The following SGCZ variants were observed in gnomAD, a reference collection of about 807,000 sequenced individuals.
SGCZ encodes the protein sarcoglycan zeta.
In SGCZ, 40 loss-of-function variants were observed where a neutral mutation model predicts 41.3. The ratio of observed to expected loss-of-function variants is 0.97; its 90% CI spans 0.75 to 1.26. SGCZ has a LOEUF of 1.26. Ranked by LOEUF, SGCZ falls within the 50% of genes most tolerant of loss-of-function variation. The pLI is 0.00. For synonymous variants in SGCZ, 206 were observed against 137.5 expected, an observed-to-expected ratio of 1.50 and a Z score of -3.49; for missense variants, 552 against 369.8, an observed-to-expected ratio of 1.49 and a Z score of -4.04.
chr8:15,215,972 T>G (rs1350810927), intron 1 of SGCZ, among the ~76,000 whole-genome samples: 1 of 152,170 alleles, frequency 6.6e-6, no homozygotes, highest in African/African-American at 2.4e-5. Context: ...CCTTGTTGGT[T>G]GCCTGACACT....
intron 7 of SGCZ, among the ~76,000 whole-genome samples, chr8:14,095,476 A>C (rs1170763399): frequency 6.6e-6 from 1 of 151,036 alleles, no homozygotes; most frequent in African/African-American, 2.4e-5. Flanking sequence ...CTGTTTTGGT[A>C]CCAGTACCAT....
At chr8:15,020,735 T>A (rs558987410) in intron 1 of SGCZ, among the ~76,000 whole-genome samples, 1 of 152,318 alleles carries the variant, frequency 6.6e-6, no homozygotes, top group African/African-American at 2.4e-5. Context: ...CCTGTCAAGT[T>A]CTTAGCGAAT....
intron 1 of SGCZ, among the ~76,000 whole-genome samples, chr8:15,127,537 C>G (rs1359916325): frequency 1.3e-5 from 2 of 152,132 alleles, no homozygotes; most frequent in Non-Finnish European, 2.9e-5. Context: ...TCTTCACACA[C>G]ATAAAATTTT....
At chr8:14,595,979 G>A (rs1805400602) in intron 1 of SGCZ, among the ~76,000 whole-genome samples, 1 of 152,138 alleles carries the variant, frequency 6.6e-6, no homozygotes, top group Admixed American at 6.5e-5. Flanking sequence ...TGTTTAAGAA[G>A]ACACTACAGA....
chr8:14,531,241 A>G (rs752713002), intron 2 of SGCZ, among the ~76,000 whole-genome samples: 1 of 149,454 alleles, frequency 6.7e-6, no homozygotes, highest in Non-Finnish European at 1.5e-5. Flanking sequence ...AAGCCCATAA[A>G]AACCCCAGAT....
chr8:14,525,476 T>C (rs748438682), intron 2 of SGCZ, among the ~76,000 whole-genome samples: 8 of 152,130 alleles, frequency 5.3e-5, no homozygotes, highest in Non-Finnish European at 8.8e-5. Flanking sequence ...TAATATATCA[T>C]TATTAATTGA....
At chr8:14,502,702 C>T (rs1222230337) in intron 2 of SGCZ, among the ~76,000 whole-genome samples, 1 of 152,142 alleles carries the variant, frequency 6.6e-6, no homozygotes, top group South Asian at 2.1e-4. Flanking sequence ...TGAAAAAAAG[C>T]TCATCATCAC....
intron 5 of SGCZ, among the ~76,000 whole-genome samples, chr8:14,117,676 C>A (rs1251649536): frequency 6.6e-6 from 1 of 151,598 alleles, no homozygotes; most frequent in African/African-American, 2.4e-5. Flanking sequence ...TAGTGGTTTG[C>A]TGCACCCATC....
At chr8:14,390,935 C>T (rs148385085) in intron 2 of SGCZ, among the ~76,000 whole-genome samples, 493 of 152,124 alleles carry the variant, frequency 3.2e-3, no homozygotes, top group Middle Eastern at 6.8e-3. Flanking sequence ...AAAGTTTACA[C>T]GTTCATTTAA....
chr8:14,264,514 C>T (rs1230892217), intron 3 of SGCZ, among the ~76,000 whole-genome samples: 1 of 152,156 alleles, frequency 6.6e-6, no homozygotes, highest in Non-Finnish European at 1.5e-5. Flanking sequence ...GCTTAGGCTG[C>T]CATCTAGTGC....
rs866243655 is a variant in SGCZ, at chr8:14,131,882, A to T, written c.548-23647T>A. 1.3e-5 allele frequency among the ~76,000 whole-genome samples: 2 copies of T among 152,304 alleles called. 1 individual carries two copies. The highest frequency in any genetic ancestry group is 4.1e-4 in the South Asian group (2 of 4,828). The stretch of plus-strand genomic sequence containing the variant: ...ACAGTGACATGCTGTACAGCTTTGT[A>T]ACCTAGGAGCAGTAGGTTATTTTAT... On this transcript the variant is annotated intron_variant, in intron 5 of 7. Coordinates refer to ENST00000382080, the MANE Select transcript of SGCZ (RefSeq NM_139167.4).
chr8:14,923,489 A>G (rs1799651648), intron 1 of SGCZ, among the ~76,000 whole-genome samples: 1 of 152,198 alleles, frequency 6.6e-6, no homozygotes, highest in African/African-American at 2.4e-5. Flanking sequence ...TGCTTTTTAT[A>G]GAGATTTTTT....
At position 14,958,351 on chromosome 8, in the gene SGCZ, T is replaced by G. The variant is rs535997818; in HGVS notation, c.39+279234A>C. ...AAAACAGAAACAAATGAAATGTTGG[T>G]CAATGGATAAAAGGTTGTGGTATGT... On this transcript the variant is annotated intron_variant, in intron 1 of 7. Transcript: ENST00000382080. 2.6e-5 allele frequency among the ~76,000 whole-genome samples: 4 copies of G among 152,190 alleles called. No individual in the cohort carries two copies. In the South Asian group the frequency reaches 8.3e-4, roughly 31 times the overall value.
At chr8:14,465,566 T>G (rs567551191) in intron 2 of SGCZ, among the ~76,000 whole-genome samples, 186 of 151,874 alleles carry the variant, frequency 1.2e-3, no homozygotes, top group Non-Finnish European at 1.9e-3. Context: ...TTGTAGCTTT[T>G]GGGTCTTTTC....
chr8:14,423,627 T>G (rs1011735061), intron 2 of SGCZ, among the ~76,000 whole-genome samples: 2 of 152,162 alleles, frequency 1.3e-5, no homozygotes, highest in Non-Finnish European at 2.9e-5. Context: ...TTGATCAGGT[T>G]GGTCGCGAAC....
intron 1 of SGCZ, among the ~76,000 whole-genome samples, chr8:14,812,332 A>T (rs76006864): frequency 0.069 from 10,452 of 152,144 alleles, 819 homozygotes; most frequent in African/African-American, 0.19. Flanking sequence ...AAAGATATAC[A>T]AACATAGTTG....
intron 1 of SGCZ, among the ~76,000 whole-genome samples, chr8:14,586,448 A>G (rs917700934): frequency 3.9e-5 from 6 of 152,188 alleles, no homozygotes; most frequent in African/African-American, 1.4e-4. Flanking sequence ...CTTGGGCTCA[A>G]GCAATCTGCC....
intron 1 of SGCZ, among the ~76,000 whole-genome samples, chr8:14,630,252 T>A (rs1407954931): frequency 1.3e-5 from 2 of 151,692 alleles, no homozygotes; most frequent in Non-Finnish European, 2.9e-5. Context: ...TTTTTTTGGT[T>A]TCTCTAGTGG....
At chr8:14,381,326 C>T (rs1804353559) in intron 2 of SGCZ, among the ~76,000 whole-genome samples, 1 of 152,194 alleles carries the variant, frequency 6.6e-6, no homozygotes, top group Admixed American at 6.5e-5. Context: ...AATATAAAAA[C>T]ATACAACCTT....
Sources: gnomAD v4.1 joint callset for allele counts (sites outside exome capture counted in the v4.1 genomes callset) on GRCh38, gnomAD v4.1.1 for gene constraint, MANE v1.5 for transcripts, NCBI Gene and HGNC (gene_info 2026-07-23, HGNC 2026-07-21) for gene names.